Variants in HOMEZ observed in about 807,000 individuals in gnomAD.
The protein encoded by HOMEZ is homeobox and leucine zipper protein Homez.
In HOMEZ, 20 loss-of-function variants were observed where a neutral mutation model predicts 50.1. That is an observed-to-expected ratio of 0.40 (90% confidence interval 0.28 to 0.58). The LOEUF (loss-of-function observed/expected upper bound fraction) is 0.58, where lower values mean the gene tolerates loss of function less well. Ranked by LOEUF, HOMEZ falls within the 20% of genes least tolerant of loss-of-function variation. The probability of loss-of-function intolerance (pLI) is 0.46; values close to 1 mark genes in which losing one functional copy is unlikely to be tolerated. For synonymous variants in HOMEZ, 239 were observed against 254.7 expected, an observed-to-expected ratio of 0.94 and a Z score of 0.59; for missense variants, 579 against 680.5, an observed-to-expected ratio of 0.85 and a Z score of 1.66.
Position 23,276,834 on chromosome 14 carries a change from G to C in HOMEZ, c.394C>G (p.Gln132Glu). Residue 132 changes from glutamine to glutamate, a missense_variant, in exon 2 of 2, where the codon CAA (glutamine) becomes GAA (glutamate). Gln to Glu is a conservative substitution (Grantham distance 29, BLOSUM62 2). Transcript: ENST00000357460. The surrounding 1 kb of genome is among the most constrained non-coding windows in gnomAD (Gnocchi z 4.1). ...GAGAGAAGGGATTTGAAATGGAGTT[G>C]GTCCCGACGGTAGACTACTCGGGCT... ...TRARVVYRRD[Q>E]LHFKSLLSFT... The C allele has an allele frequency of 6.2e-7, 1 of 1,614,036 alleles. No homozygotes were observed. The highest frequency in any genetic ancestry group is 1.1e-5 in the South Asian group (1 of 91,078).
chr14:23,275,609 TCA>T lies in HOMEZ; in HGVS notation c.1617_1618del (p.Asp539GlufsTer2). The stretch of plus-strand genomic sequence containing the variant: ...TATGATCACATCATCATCATCATCA[TCA>T]TCATCTTCCTCCTCCTCCTCCTCCT... On this transcript the variant is annotated frameshift_variant, in exon 2 of 2. Coordinates refer to ENST00000357460, the MANE Select transcript of HOMEZ (RefSeq NM_020834.3). LOFTEE classifies it high-confidence loss of function. 4.6e-6 allele frequency: 7 copies of T among 1,536,192 alleles called. No homozygotes were observed. Among genetic ancestry groups the T allele is most frequent in the Non-Finnish European group, 5.3e-6 (6 of 1,140,182 alleles).
chr14:23,273,783 T>C lies in HOMEZ; in HGVS notation c.*1792A>G, dbSNP rs1886270519. ...CTCTTTTAGGCAAGGGCCTGTCCTG[T>C]AGCAAATGGAGTTACCTCCAAGACT... On this transcript the variant is annotated 3_prime_UTR_variant, in exon 2 of 2. Coordinates refer to ENST00000357460, the MANE Select transcript of HOMEZ (RefSeq NM_020834.3). 1 of 152,104 alleles carries C rather than the reference T, an allele frequency of 6.6e-6. No individual in the cohort carries two copies. The highest frequency in any genetic ancestry group is 1.5e-5 in the Non-Finnish European group (1 of 68,038). 9.4% of individuals were successfully genotyped at this position (152,104 alleles called of 1,614,324 possible). A position where few individuals can be genotyped will look rare whatever the true frequency, so the allele number is the denominator to read the frequency against.
Position 23,275,295 on chromosome 14 carries a change from G to A in HOMEZ, c.*280C>T. 1 of 452,608 alleles carries A rather than the reference G, an allele frequency of 2.2e-6. No homozygotes were observed. Among genetic ancestry groups the A allele is most frequent in the Non-Finnish European group, 3.9e-6 (1 of 256,990 alleles). The allele number at this position is 452,608 out of a possible 1,614,324, so 28.0% of individuals were successfully genotyped here. On this transcript the variant is annotated 3_prime_UTR_variant, in exon 2 of 2. Transcript: ENST00000357460. The stretch of plus-strand genomic sequence containing the variant: ...AAAACAGCAGACACGAGGAGAGCAA[G>A]AGCAGCTTCCCAGCCCATGGTTTCC...
Position 23,276,287 on chromosome 14 carries a change from T to C in HOMEZ, c.941A>G (p.Gln314Arg). 6.2e-7 allele frequency: 1 copy of C among 1,613,902 alleles called. No individual in the cohort carries two copies. The highest frequency in any genetic ancestry group is 1.7e-5 in the Admixed American group (1 of 60,012). ...TGCCTGTTCACTGGGTGACACTGACTGTGGGACACAGCCTAGTGGCTGGAG... is the reference window on the plus strand; with the variant it reads ...TGCCTGTTCACTGGGTGACACTGACCGTGGGACACAGCCTAGTGGCTGGAG... ...KPLQPLGCVP[Q>R]SVSPSEQALP... Residue 314 changes from glutamine to arginine, a missense_variant, in exon 2 of 2, where the codon CAG becomes CGG. Coordinates refer to ENST00000357460, the MANE Select transcript of HOMEZ (RefSeq NM_020834.3). The surrounding 1 kb of genome is among the most constrained non-coding windows in gnomAD (Gnocchi z 4.1).
chr14:23,282,998 A>T (rs1007575609), intron 1 of HOMEZ, among the ~76,000 whole-genome samples: 1 of 152,236 alleles, frequency 6.6e-6, no homozygotes, highest in Non-Finnish European at 1.5e-5. Context: ...CATGAGAATT[A>T]TAACAGGTAG....
intron 1 of HOMEZ, among the ~76,000 whole-genome samples, chr14:23,284,114 A>G (rs915152754): frequency 1.3e-5 from 2 of 152,228 alleles, no homozygotes; most frequent in Non-Finnish European, 2.9e-5. Context: ...TCAGAAAGTT[A>G]TGACTAACCT....
chr14:23,276,638 C>T lies in HOMEZ; in HGVS notation c.590G>A (p.Ser197Asn). The T allele has an allele frequency of 6.2e-7, 1 of 1,614,032 alleles. No individual in the cohort carries two copies. Among genetic ancestry groups the T allele is most frequent in the South Asian group, 1.1e-5 (1 of 91,088 alleles). Residue 197 changes from serine to asparagine, a missense_variant, in exon 2 of 2, where the codon AGT (serine) becomes AAT (asparagine). By Grantham distance (46) the Ser-to-Asn change is conservative. Transcript: ENST00000357460. This position sits in a 1 kb window ranked among gnomAD's most constrained non-coding sequence, Gnocchi z 4.1. ...CAGGGACTCCTTTAATTTCTGGTGA[C>T]TCTGTGGCAGTGGTGGCATCTGAGA... The part of the protein sequence containing the change: ...EPSQMPPLPQ[S>N]HQKLKESLMT...
Position 23,272,807 on chromosome 14 carries a change from T to C in HOMEZ, c.*2768A>G. On this transcript the variant is annotated 3_prime_UTR_variant, in exon 2 of 2. Coordinates refer to ENST00000357460, the MANE Select transcript of HOMEZ (RefSeq NM_020834.3). ...GTTATAAACACCCACATCTACCTTC[T>C]TGTCCTCTGCTGCAGACTCTCTACC... The C allele has an allele frequency of 2.6e-6, 4 of 1,539,682 alleles. No individual in the cohort carries two copies. The highest frequency in any genetic ancestry group is 3.5e-6 in the Non-Finnish European group (4 of 1,137,746).
rs1333496245 is a variant in HOMEZ at position 23,277,206 on chromosome 14, C to T, written c.41-19G>A. On this transcript the variant is annotated intron_variant, in intron 1 of 1. Transcript: ENST00000357460. ...GAGATAGCTGCAATAAGAAGACAAACAGCTCAATCACTGGGTCTCCTCTTC... is the reference window on the plus strand; with the variant it reads ...GAGATAGCTGCAATAAGAAGACAAATAGCTCAATCACTGGGTCTCCTCTTC... 2.6e-6 allele frequency: 4 copies of T among 1,511,044 alleles called. No homozygotes were observed. In the Admixed American group the frequency reaches 8.8e-5, roughly 33 times the overall value. 93.6% of individuals were successfully genotyped at this position (1,511,044 alleles called of 1,614,324 possible). A position where few individuals can be genotyped will look rare whatever the true frequency, so the allele number is the denominator to read the frequency against.
intron 1 of HOMEZ, among the ~76,000 whole-genome samples, chr14:23,281,414 A>G (rs947024701): frequency 6.6e-6 from 1 of 152,162 alleles, no homozygotes; most frequent in African/African-American, 2.4e-5. Flanking sequence ...CGGTTCTGCC[A>G]CTTATCAGCT....
rs1886232356 is a variant in HOMEZ at position 23,273,071 on chromosome 14, G to A, written c.*2504C>T. ...TTATCACCTCCCAGGACAGTGGTCA[G>A]GTCTTACAAAAGGCTAGTGCTTCAG... On this transcript the variant is annotated 3_prime_UTR_variant, in exon 2 of 2. Transcript: ENST00000357460. The A allele has an allele frequency of 2.4e-6, 1 of 413,280 alleles. No individual in the cohort carries two copies. Among genetic ancestry groups the A allele is most frequent in the Non-Finnish European group, 4.3e-6 (1 of 232,976 alleles). 25.6% of individuals were successfully genotyped at this position (413,280 alleles called of 1,614,324 possible). A position where few individuals can be genotyped will look rare whatever the true frequency, so the allele number is the denominator to read the frequency against.
chr14:23,276,966 GA>G lies in HOMEZ; in HGVS notation c.261del (p.Leu88SerfsTer32), dbSNP rs1345940821. The G allele has an allele frequency of 6.2e-7, 1 of 1,613,946 alleles. No homozygotes were observed. Among genetic ancestry groups the G allele is most frequent in the African/African-American group, 1.3e-5 (1 of 74,946 alleles). On this transcript the variant is annotated frameshift_variant, in exon 2 of 2. Coordinates refer to ENST00000357460, the MANE Select transcript of HOMEZ (RefSeq NM_020834.3). LOFTEE classifies it high-confidence loss of function. This position sits in a 1 kb window ranked among gnomAD's most constrained non-coding sequence, Gnocchi z 4.1. ...ATCTGCAACCCATAACGTAGGCAGA[GA>G]AGGGCAATGTCTGCTAGGCTGGGAT... is the stretch of plus-strand genomic sequence containing the variant. ...FPYPSLADIA[L>X]LCLRYGLQME...
Position 23,275,564 on chromosome 14 carries a change from C to A in HOMEZ, c.*11G>T, listed in dbSNP as rs1011258558. ...TTTCAGTAACAGACCTCCCCTCCCC[C>A]AGCTCCCCACTCAGTCTTGTATGAT... On this transcript the variant is annotated 3_prime_UTR_variant, in exon 2 of 2. Coordinates refer to ENST00000357460, the MANE Select transcript of HOMEZ (RefSeq NM_020834.3). 6.5e-7 allele frequency: 1 copy of A among 1,536,432 alleles called. No homozygotes were observed. The highest frequency in any genetic ancestry group is 8.8e-7 in the Non-Finnish European group (1 of 1,138,166).
chr14:23,275,335 C>G lies in HOMEZ; in HGVS notation c.*240G>C. 1.9e-6 allele frequency: 1 copy of G among 537,902 alleles called. No individual in the cohort carries two copies. 33.3% of individuals were successfully genotyped at this position (537,902 alleles called of 1,614,324 possible). ...CCATGGTTTCCCCAGATCCTTAGCA[C>G]TCCCTACCCTAAGGTTAGAGGGTTG... On this transcript the variant is annotated 3_prime_UTR_variant, in exon 2 of 2. Transcript: ENST00000357460.
chr14:23,285,796 G>A (rs559626484), intron 1 of HOMEZ, 117 bp downstream of exon 1: 63 of 535,832 alleles, frequency 1.2e-4, no homozygotes, highest in Non-Finnish European at 1.6e-4. Context: ...AAAAAAGAGA[G>A]AACCGGGCCA....
rs1475202326 is a variant in HOMEZ at position 23,273,103 on chromosome 14, GT to G, written c.*2471del. Reference sequence around the variant, plus strand: ...CAAAAGGCTAGTGCTTCAGGAAGATGTTTATATCTCTTCCAGAAGACACTGG... The same window carrying G: ...CAAAAGGCTAGTGCTTCAGGAAGATGTTATATCTCTTCCAGAAGACACTGG... On this transcript the variant is annotated 3_prime_UTR_variant, in exon 2 of 2. Transcript: ENST00000357460. The G allele has an allele frequency of 2.0e-5, 8 of 391,478 alleles. No homozygotes were observed. The East Asian group carries it at 3.3e-4, about 16-fold the overall frequency. The allele number at this position is 391,478 out of a possible 1,614,324, so 24.3% of individuals were successfully genotyped here.
rs1815944797 is a variant in HOMEZ at position 23,277,185 on chromosome 14, T to C, written c.43A>G (p.Ile15Val). The C allele has an allele frequency of 1.9e-6, 3 of 1,551,364 alleles. No homozygotes were observed. The highest frequency in any genetic ancestry group is 2.6e-6 in the Non-Finnish European group (3 of 1,147,632). ...CCTTCTGATTTGTGCCCTTCAGAGA[T>C]AGCTGCAATAAGAAGACAAACAGCT... ...WEPPPGLDCAISEGHKSEGTM... is the reference protein window; with the variant it reads ...WEPPPGLDCAVSEGHKSEGTM... Residue 15 changes from isoleucine (I) to valine (V), a missense_variant and splice_region_variant, in exon 2 of 2, where the codon ATC (isoleucine) becomes GTC (valine). Transcript: ENST00000357460.
In HOMEZ at chr14:23,276,136, G is replaced by A. The variant is rs1344410539; in HGVS notation, c.1092C>T (p.Thr364=). The stretch of plus-strand genomic sequence containing the variant: ...ATTTAAGGATAGCCAGCTGCTCTTT[G>A]GTTTTGCGCTTGGTCTTTCGCTGGC... ...MQRQRKTKRK[T]KEQLAILKSF... is the part of the protein sequence containing the mutation. Residue 364 remains threonine (T), a synonymous_variant, in exon 2 of 2, where the codon ACC becomes ACT. Transcript: ENST00000357460. This position sits in a 1 kb window ranked among gnomAD's most constrained non-coding sequence, Gnocchi z 4.1. The A allele has an allele frequency of 1.9e-6, 3 of 1,613,962 alleles. No individual in the cohort carries two copies. The highest frequency in any genetic ancestry group is 2.5e-6 in the Non-Finnish European group (3 of 1,179,856).
Position 23,273,009 on chromosome 14 carries a change from G to A in HOMEZ, c.*2566C>T, listed in dbSNP as rs983009424. 1.2e-5 allele frequency: 7 copies of A among 602,196 alleles called. No individual in the cohort carries two copies. The highest frequency in any genetic ancestry group is 6.7e-5 in the Admixed American group (2 of 29,868). The allele number at this position is 602,196 out of a possible 1,614,324, so 37.3% of individuals were successfully genotyped here. ...CTGCATTGTTTCCTAGTTTCACTCT[G>A]TACCTTATGCTCCCCCCATCTTTAC... On this transcript the variant is annotated 3_prime_UTR_variant, in exon 2 of 2. Coordinates refer to ENST00000357460, the MANE Select transcript of HOMEZ (RefSeq NM_020834.3).
Sources: allele counts gnomAD v4.1 joint callset (sites outside exome capture counted in the v4.1 genomes callset), GRCh38; gene constraint gnomAD v4.1.1; non-coding constraint Gnocchi (gnomAD v3.1); transcripts MANE v1.5; gene names NCBI Gene and HGNC (gene_info 2026-07-23, HGNC 2026-07-21).